Variants in MROH1 observed in about 807,000 individuals in gnomAD.
The protein encoded by MROH1 is maestro heat like repeat family member 1, also known as maestro heat-like repeat-containing protein family member 1.
In MROH1, 117 loss-of-function variants were observed where a neutral mutation model predicts 116.5. The observed-to-expected ratio is 1.00, with a 90% CI of 0.86 to 1.17. The LOEUF (loss-of-function observed/expected upper bound fraction) is 1.17, where lower values mean the gene tolerates loss of function less well. Among genes scored for constraint, MROH1 ranks in the 50% most tolerant of loss-of-function variants. MROH1 has a pLI of 0.00. For missense variants in MROH1, 1,873 were observed against 1,338.5 expected (o/e 1.40, Z -6.23); for synonymous variants, 921 against 583.9 (o/e 1.58, Z -8.32).
At chr8:144,150,476 C>T (rs1399493720) in intron 1 of MROH1, among the ~76,000 whole-genome samples, 1 of 152,186 alleles carries the variant, frequency 6.6e-6, no homozygotes, top group Non-Finnish European at 1.5e-5. Context: ...GATGTTTAGC[C>T]ACTGAGGCTT....
Position 144,239,077 on chromosome 8 carries a change from T to C in MROH1, c.1489T>C (p.Phe497Leu). The C allele has an allele frequency of 3.9e-6, 3 of 777,796 alleles. No homozygotes were observed. Among genetic ancestry groups the C allele is most frequent in the South Asian group, 1.3e-5 (1 of 74,592 alleles). The allele number at this position is 777,796 out of a possible 1,614,324, so 48.2% of individuals were successfully genotyped here. Residue 497 changes from phenylalanine to leucine, a missense_variant, in exon 16 of 44, where the codon TTC becomes CTC. Transcript: ENST00000326134. ...GCTCCAGTTCCTCACCCCTGTGCGC[T>C]TCACTGGGGCCCTGACTCCGCTCTG... The part of the protein sequence containing the change: ...YLLQFLTPVR[F>L]TGALTPLCRS...
At chr8:144,166,774 C>A (rs1434036610) in intron 3 of MROH1, among the ~76,000 whole-genome samples, 1 of 152,160 alleles carries the variant, frequency 6.6e-6, no homozygotes, top group East Asian at 1.9e-4. Context: ...GGGGGACTAG[C>A]CTCACTGCCC....
chr8:144,150,788 TA>T (rs1372043716), intron 1 of MROH1, among the ~76,000 whole-genome samples: 2 of 152,134 alleles, frequency 1.3e-5, no homozygotes, highest in African/African-American at 4.8e-5. Flanking sequence ...TGTGGTCCCT[TA>T]TGGAATAGGG....
chr8:144,181,899 G>A (rs562642670), intron 7 of MROH1, among the ~76,000 whole-genome samples: 53 of 152,190 alleles, frequency 3.5e-4, no homozygotes, highest in Non-Finnish European at 6.2e-4. Context: ...AAGCAGAAAC[G>A]GACTTGCAGT....
At chr8:144,175,556 AC>A in intron 4 of MROH1, 1 of 985,296 alleles carries the variant, frequency 1.0e-6, no homozygotes, top group Non-Finnish European at 1.2e-6. Flanking sequence ...CAGCTCTGCG[AC>A]GTCCCAGGTG....
At chr8:144,244,004 TTGTG>T (rs1206328702) in intron 26 of MROH1, 62 bp downstream of exon 26, 4 of 759,302 alleles carry the variant, frequency 5.3e-6, no homozygotes, top group African/African-American at 3.4e-5. Flanking sequence ...TGTGTGTGCA[TTGTG>T]TGTGCACGTG....
At chr8:144,177,150 G>A (rs977153603) in intron 4 of MROH1, among the ~76,000 whole-genome samples, 1 of 152,218 alleles carries the variant, frequency 6.6e-6, no homozygotes, top group Non-Finnish European at 1.5e-5. Context: ...TCGTGGGCCT[G>A]GGGCTAAACC....
intron 3 of MROH1, among the ~76,000 whole-genome samples, chr8:144,164,483 C>T (rs1170049097): frequency 1.3e-5 from 2 of 151,858 alleles, no homozygotes; most frequent in Non-Finnish European, 2.9e-5. Flanking sequence ...TGGCTCACTG[C>T]AGCCTCAAAC....
intron 14 of MROH1, among the ~76,000 whole-genome samples, chr8:144,232,919 C>A (rs1283412380): frequency 1.3e-5 from 2 of 151,850 alleles, no homozygotes; most frequent in Non-Finnish European, 2.9e-5. Flanking sequence ...CTCAACCTCG[C>A]AGGCTCAAGC....
chr8:144,215,189 A>G lies in MROH1; in HGVS notation c.1142-5411A>G, dbSNP rs1202014371. On this transcript the variant is annotated intron_variant, in intron 12 of 43. Transcript: ENST00000326134. Reference sequence around the variant, plus strand: ...TTAAGTTGACACTCAACTATCAACCATCAAACTTTTTAATCTTTTATTGGG... The same window carrying G: ...TTAAGTTGACACTCAACTATCAACCGTCAAACTTTTTAATCTTTTATTGGG... Among the ~76,000 whole-genome samples, 5 of 152,244 alleles carry G rather than the reference A, an allele frequency of 3.3e-5. No individual in the cohort carries two copies. The East Asian group carries it at 9.6e-4, about 29-fold the overall frequency.
At chr8:144,188,362 C>G (rs1055484507) in intron 7 of MROH1, among the ~76,000 whole-genome samples, 1 of 151,878 alleles carries the variant, frequency 6.6e-6, no homozygotes, top group African/African-American at 2.4e-5. Flanking sequence ...AACTGGCACT[C>G]ACACCCCAAC....
chr8:144,202,587 G>C lies in MROH1; in HGVS notation c.1141+2046G>C, dbSNP rs1409231332. On this transcript the variant is annotated intron_variant, in intron 12 of 43. Coordinates refer to ENST00000326134, the MANE Select transcript of MROH1 (RefSeq NM_032450.3). Reference sequence around the variant, plus strand: ...AGGGAGGGAAGCGCCCCCTCTGTGGGGGGGAAAGGAGGGAAGCGCAGGCTC... The same window carrying C: ...AGGGAGGGAAGCGCCCCCTCTGTGGCGGGGAAAGGAGGGAAGCGCAGGCTC... Among the ~76,000 whole-genome samples the C allele has an allele frequency of 9.6e-5, 13 of 135,500 alleles. No homozygotes were observed. In the South Asian group the frequency reaches 1.3e-3, roughly 13 times the overall value. The allele number at this position is 135,500 out of a possible 152,430, so 88.9% of individuals were successfully genotyped here. A position where few individuals can be genotyped will look rare whatever the true frequency, so the allele number is the denominator to read the frequency against.
chr8:144,254,963 G>T lies in MROH1; in HGVS notation c.3579G>T (p.Thr1193=), dbSNP rs962141023. 1.2e-5 allele frequency: 9 copies of T among 768,444 alleles called. No individual in the cohort carries two copies. In the African/African-American group the frequency reaches 1.5e-4, roughly 13 times the overall value. 47.6% of individuals were successfully genotyped at this position (768,444 alleles called of 1,614,324 possible). A position where few individuals can be genotyped will look rare whatever the true frequency, so the allele number is the denominator to read the frequency against. ...LLGRTPDRVA[T]LLPLSATCAL... is the part of the protein sequence containing the mutation. ...GCCGCACCCCAGACCGCGTGGCCAC[G>T]CTGCTGCCTCTCTCGGTGAGTCGGG... The change falls in exon 34 of 44, where the codon ACG becomes ACT. Residue 1193 remains threonine, a synonymous_variant. Transcript: ENST00000326134.
intron 10 of MROH1, 75 bp downstream of exon 10, chr8:144,192,476 A>C: frequency 7.4e-7 from 1 of 1,354,310 alleles, no homozygotes; most frequent in African/African-American, 1.4e-5. Flanking sequence ...CAAGGGGTGC[A>C]GAAAGCAAGT....
chr8:144,155,890 C>A (rs1024601050), intron 1 of MROH1, among the ~76,000 whole-genome samples: 4 of 151,980 alleles, frequency 2.6e-5, no homozygotes, highest in African/African-American at 7.2e-5. Flanking sequence ...GCCTCAGCCT[C>A]CCGGAGTGCT....
intron 12 of MROH1, among the ~76,000 whole-genome samples, chr8:144,202,236 C>CG (rs939413026): frequency 2.8e-5 from 3 of 105,476 alleles, no homozygotes; most frequent in African/African-American, 7.3e-5. Flanking sequence ...TGGAGGCTGG[C>CG]GGGGGGAGAG....
At chr8:144,195,097 A>G (rs1829507264) in intron 10 of MROH1, among the ~76,000 whole-genome samples, 2 of 147,212 alleles carry the variant, frequency 1.4e-5, no homozygotes, top group Admixed American at 1.4e-4. Flanking sequence ...TGAGAGGCTG[A>G]GGTGGGAGGA....
chr8:144,175,175 C>T, intron 4 of MROH1: 1 of 984,158 alleles, frequency 1.0e-6, no homozygotes, highest in African/African-American at 1.7e-5. Flanking sequence ...AGCTTCTCCT[C>T]CCAGCAGCGG....
rs956722876 is a variant in MROH1 at position 144,163,625 on chromosome 8, G to A, written c.-56-146G>A. On this transcript the variant is annotated intron_variant, in intron 2 of 43. Coordinates refer to ENST00000326134, the MANE Select transcript of MROH1 (RefSeq NM_032450.3). The surrounding 1 kb of genome is among the most constrained non-coding windows in gnomAD (Gnocchi z 4.4). ...GATCATGATGCCTTTTGCCCTCCCTGAGTGGCTCAAAGAAAATGTGACGGA... is the reference window on the plus strand; with the variant it reads ...GATCATGATGCCTTTTGCCCTCCCTAAGTGGCTCAAAGAAAATGTGACGGA... 13 of 571,466 alleles carry A rather than the reference G, an allele frequency of 2.3e-5. No homozygotes were observed. Among genetic ancestry groups the A allele is most frequent in the East Asian group, 1.3e-4 (4 of 31,498 alleles). The allele number at this position is 571,466 out of a possible 1,614,324, so 35.4% of individuals were successfully genotyped here. A position where few individuals can be genotyped will look rare whatever the true frequency, so the allele number is the denominator to read the frequency against.
Sources: allele counts gnomAD v4.1 joint callset (sites outside exome capture counted in the v4.1 genomes callset), GRCh38; gene constraint gnomAD v4.1.1; non-coding constraint Gnocchi (gnomAD v3.1); transcripts MANE v1.5; gene names NCBI Gene and HGNC (gene_info 2026-07-23, HGNC 2026-07-21).